The following PLCB1 variants were observed in gnomAD, a reference collection of about 807,000 sequenced individuals.
The protein encoded by PLCB1 is 1-phosphatidylinositol 4,5-bisphosphate phosphodiesterase beta-1.
PLCB1 carries 46 observed loss-of-function variants against 161.8 expected under a neutral mutation model. The ratio of observed to expected loss-of-function variants is 0.28; its 90% CI spans 0.22 to 0.36. The LOEUF (loss-of-function observed/expected upper bound fraction) is 0.36, where lower values mean the gene tolerates loss of function less well. PLCB1 is among the 10% of genes least tolerant of loss of function. PLCB1 has a pLI of 1.00. For synonymous variants in PLCB1, 517 were observed against 503.7 expected, an observed-to-expected ratio of 1.03 and a Z score of -0.35; for missense variants, 1,016 against 1,472.5, an observed-to-expected ratio of 0.69 and a Z score of 5.07.
intron 3 of PLCB1, among the ~76,000 whole-genome samples, chr20:8,402,794 G>A (rs2662986): frequency 5.3e-5 from 8 of 151,982 alleles, no homozygotes; most frequent in Admixed American, 1.3e-4. Flanking sequence ...GCAGTCAGCC[G>A]AGATCGTGCC....
rs1433352588 is a variant in PLCB1, at chr20:8,875,217, T to C, written c.3424-6405T>C. 2.6e-5 allele frequency among the ~76,000 whole-genome samples: 4 copies of C among 150,990 alleles called. No homozygotes were observed. The East Asian group carries it at 5.8e-4, about 22-fold the overall frequency. On this transcript the variant is annotated intron_variant, in intron 31 of 31. Coordinates refer to ENST00000338037, the MANE Select transcript of PLCB1 (RefSeq NM_015192.4). ...ATTTTCATCTAGATAAAGATATCTA[T>C]ATTTTTCTTTCTTATGTTTTTCTGT...
chr20:8,417,071 ATATTTTTTTT>A (rs1979325727), intron 3 of PLCB1, among the ~76,000 whole-genome samples: 21 of 51,676 alleles, frequency 4.1e-4, no homozygotes, highest in African/African-American at 8.8e-4. Context: ...ATATATATAT[ATATTTTTTTT>A]TTTTTTTTTT....
At chr20:8,698,704 T>A (rs764518128) in intron 11 of PLCB1, among the ~76,000 whole-genome samples, 8 of 152,020 alleles carry the variant, frequency 5.3e-5, no homozygotes, top group Non-Finnish European at 1.2e-4. Context: ...AGTAGGTGAT[T>A]TGGGGGACGG....
intron 29 of PLCB1, 111 bp downstream of exon 29, chr20:8,788,833 C>T (rs1180153987): frequency 4.5e-6 from 3 of 673,456 alleles, no homozygotes; most frequent in African/African-American, 3.7e-5. Flanking sequence ...GAAGTTTCTC[C>T]TCTAGTCAGC....
chr20:8,757,716 AG>A (rs1398432015), intron 24 of PLCB1, among the ~76,000 whole-genome samples: 1 of 152,046 alleles, frequency 6.6e-6, no homozygotes, highest in Non-Finnish European at 1.5e-5. Flanking sequence ...TGCCATTTTC[AG>A]GTGATAAAGT....
At position 8,282,044 on chromosome 20, in the gene PLCB1, A is replaced by C. The variant is rs1037156043; in HGVS notation, c.178-89338A>C. ...TTACATGCATATACAAATACACACA[A>C]ACATGTTAAAATGCTCAAATTATCC... On this transcript the variant is annotated intron_variant, in intron 2 of 31. Transcript: ENST00000338037. Among the ~76,000 whole-genome samples the C allele has an allele frequency of 4.6e-5, 7 of 152,198 alleles. No homozygotes were observed. In the East Asian group the frequency reaches 1.3e-3, roughly 29 times the overall value.
intron 3 of PLCB1, among the ~76,000 whole-genome samples, chr20:8,430,396 A>C (rs994804644): frequency 2.0e-5 from 3 of 149,892 alleles, no homozygotes; most frequent in Admixed American, 6.6e-5. Context: ...TTTCAGGAAA[A>C]CTGGGAACAA....
intron 10 of PLCB1, among the ~76,000 whole-genome samples, chr20:8,687,086 C>T (rs934096591): frequency 6.6e-6 from 1 of 151,948 alleles, no homozygotes; most frequent in Non-Finnish European, 1.5e-5. Flanking sequence ...AGCACAGTGG[C>T]ATGATGATAG....
chr20:8,233,356 T>G (rs974583783), intron 2 of PLCB1, among the ~76,000 whole-genome samples: 3 of 152,064 alleles, frequency 2.0e-5, no homozygotes, highest in African/African-American at 7.2e-5. Context: ...AGAAAGACAA[T>G]AAGAATGAAT....
At chr20:8,403,941 T>C (rs1978677447) in intron 3 of PLCB1, among the ~76,000 whole-genome samples, 1 of 152,232 alleles carries the variant, frequency 6.6e-6, no homozygotes, top group Non-Finnish European at 1.5e-5. Context: ...TTCTCATTAA[T>C]TGAGAGTCAT....
chr20:8,572,116 A>T (rs957928350), intron 3 of PLCB1, among the ~76,000 whole-genome samples: 18 of 152,230 alleles, frequency 1.2e-4, no homozygotes, highest in Admixed American at 3.3e-4. Context: ...ATGCCATTTT[A>T]ATCATTTAAT....
rs187976583 is a variant in PLCB1, at chr20:8,221,752, G to A, written c.177+71381G>A. ...ATGTATTATATAAGAAACATTCAGA[G>A]AAGAGAAGTTCAAGGTCAAAGCTAA... On this transcript the variant is annotated intron_variant, in intron 2 of 31. Transcript: ENST00000338037. Among the ~76,000 whole-genome samples the A allele has an allele frequency of 1.9e-3, 284 of 152,188 alleles. 1 individual carries two copies. The highest frequency in any genetic ancestry group is 4.7e-3 in the African/African-American group (194 of 41,526).
At chr20:8,208,322 A>G (rs1978637002) in intron 2 of PLCB1, among the ~76,000 whole-genome samples, 1 of 152,132 alleles carries the variant, frequency 6.6e-6, no homozygotes. Context: ...CAGTTAAGCT[A>G]AAATTAGAAA....
intron 3 of PLCB1, among the ~76,000 whole-genome samples, chr20:8,379,079 T>C (rs1405378706): frequency 6.6e-6 from 1 of 152,074 alleles, no homozygotes; most frequent in Non-Finnish European, 1.5e-5. Context: ...TATTGACTCG[T>C]CCTGTAAGTT....
Position 8,391,785 on chromosome 20 carries a change from G to GTA in PLCB1, c.246+20374_246+20375dup, listed in dbSNP as rs374178427. Among the ~76,000 whole-genome samples, 787 of 114,998 alleles carry GTA rather than the reference G, an allele frequency of 6.8e-3. 9 individuals carry two copies. The highest frequency in any genetic ancestry group is 0.01 in the South Asian group (35 of 3,492). The allele number at this position is 114,998 out of a possible 152,430, so 75.4% of individuals were successfully genotyped here. A position where few individuals can be genotyped will look rare whatever the true frequency, so the allele number is the denominator to read the frequency against. ...GAAGTATATATATATATATGTGTGTGTATATATATATATATATATATATAT... is the reference window on the plus strand; with the variant it reads ...GAAGTATATATATATATATGTGTGTGTATATATATATATATATATATATATAT... On this transcript the variant is annotated intron_variant, in intron 3 of 31. Transcript: ENST00000338037.
chr20:8,880,860 CTTTT>C (rs55682849), intron 31 of PLCB1: 2 of 99,492 alleles, frequency 2.0e-5, no homozygotes, highest in African/African-American at 4.2e-5. Flanking sequence ...TTCTTTCTTT[CTTTT>C]TTTTTTTTTT....
At chr20:8,587,370 G>A (rs1346951027) in intron 3 of PLCB1, among the ~76,000 whole-genome samples, 1 of 152,090 alleles carries the variant, frequency 6.6e-6, no homozygotes, top group African/African-American at 2.4e-5. Context: ...GACCCTGTTA[G>A]GAGGGTGTGT....
intron 24 of PLCB1, among the ~76,000 whole-genome samples, chr20:8,758,459 G>A (rs1359709212): frequency 1.3e-5 from 2 of 152,000 alleles, no homozygotes; most frequent in Non-Finnish European, 2.9e-5. Flanking sequence ...GTGCATGCCT[G>A]TAGTTCCAGC....
At chr20:8,327,083 G>A (rs938925340) in intron 2 of PLCB1, among the ~76,000 whole-genome samples, 1 of 152,060 alleles carries the variant, frequency 6.6e-6, no homozygotes, top group African/African-American at 2.4e-5. Flanking sequence ...ACTGAGTTTC[G>A]CCATTTTGCC....
Sources: allele counts gnomAD v4.1 joint callset (sites outside exome capture counted in the v4.1 genomes callset), GRCh38; gene constraint gnomAD v4.1.1; transcripts MANE v1.5; gene names NCBI Gene and HGNC (gene_info 2026-07-23, HGNC 2026-07-21).